Variants in AGBL4 observed in about 807,000 individuals in gnomAD.
AGBL4 encodes the protein AGBL carboxypeptidase 4, also known as cytosolic carboxypeptidase 6.
Under a neutral mutation model 66.4 loss-of-function variants are expected in AGBL4, and 58 were observed. The ratio of observed to expected loss-of-function variants is 0.87; its 90% CI spans 0.71 to 1.09. The LOEUF (loss-of-function observed/expected upper bound fraction) is 1.09. AGBL4 is among the 50% of genes least tolerant of loss of function. AGBL4 has a pLI of 0.00. For missense variants in AGBL4, 579 were observed against 631.0 expected (o/e 0.92, Z 0.88); for synonymous variants, 234 against 222.9 (o/e 1.05, Z -0.44).
the AGBL4 span, among the ~76,000 whole-genome samples, chr1:48,523,927 G>C: frequency 6.6e-6 from 1 of 152,070 alleles, no homozygotes; most frequent in Admixed American, 6.5e-5. Context: ...AATGCTGTAG[G>C]CAATTATAAC....
chr1:49,227,349 T>C (rs1649992288), intron 4 of AGBL4, among the ~76,000 whole-genome samples: 4 of 152,228 alleles, frequency 2.6e-5, no homozygotes. Flanking sequence ...TTCCTTGCTA[T>C]CCCTGGTGCC....
chr1:48,839,686 A>G (rs1287540416), intron 6 of AGBL4, among the ~76,000 whole-genome samples: 12 of 152,154 alleles, frequency 7.9e-5, no homozygotes, highest in Admixed American at 7.2e-4. Context: ...AACTTCTTCA[A>G]CTTTGCATAC....
At chr1:48,773,581 G>T (rs1330252148) in intron 6 of AGBL4, among the ~76,000 whole-genome samples, 3 of 152,150 alleles carry the variant, frequency 2.0e-5, no homozygotes, top group Non-Finnish European at 4.4e-5. Context: ...TTATACTCTG[G>T]CTTGAAAACT....
At chr1:49,594,291 C>T (rs1474485236) in intron 3 of AGBL4, among the ~76,000 whole-genome samples, 3 of 152,044 alleles carry the variant, frequency 2.0e-5, no homozygotes, top group Non-Finnish European at 4.4e-5. Context: ...AGGAAGCTTC[C>T]TTTTCCTCAT....
chr1:48,644,229 C>T (rs1235288129), intron 8 of AGBL4, among the ~76,000 whole-genome samples: 1 of 151,988 alleles, frequency 6.6e-6, no homozygotes, highest in Admixed American at 6.6e-5. Flanking sequence ...ATAATTATTC[C>T]TTTGGTTTGG....
At chr1:49,964,903 T>A (rs1170414635) in intron 1 of AGBL4, among the ~76,000 whole-genome samples, 2 of 152,104 alleles carry the variant, frequency 1.3e-5, no homozygotes. Context: ...TAATTTAAAG[T>A]GAAAAGCCTG....
chr1:49,343,369 T>C (rs1645578228), intron 3 of AGBL4, among the ~76,000 whole-genome samples: 3 of 152,192 alleles, frequency 2.0e-5, no homozygotes, highest in African/African-American at 7.2e-5. Context: ...GAAATTACTC[T>C]GCATTATGAG....
At chr1:48,718,967 T>A (rs866310238) in intron 6 of AGBL4, among the ~76,000 whole-genome samples, 1 of 152,150 alleles carries the variant, frequency 6.6e-6, no homozygotes, top group South Asian at 2.1e-4. Context: ...ATGTTGACAT[T>A]GTTATTCTTG....
intron 3 of AGBL4, among the ~76,000 whole-genome samples, chr1:49,587,790 A>T (rs1644679212): frequency 6.6e-6 from 1 of 152,132 alleles, no homozygotes; most frequent in Non-Finnish European, 1.5e-5. Flanking sequence ...CCTGTCAGAG[A>T]TTCCTTCTGC....
intron 3 of AGBL4, among the ~76,000 whole-genome samples, chr1:49,510,887 T>C (rs1440419179): frequency 2.7e-5 from 4 of 149,488 alleles, no homozygotes; most frequent in African/African-American, 7.4e-5. Context: ...AAAGATCAGA[T>C]AGTTGTAGAT....
chr1:49,562,794 T>A (rs1350399080), intron 3 of AGBL4, among the ~76,000 whole-genome samples: 3 of 152,190 alleles, frequency 2.0e-5, no homozygotes, highest in African/African-American at 7.2e-5. Flanking sequence ...CAATGTGGGC[T>A]CTTTGTTGAT....
At chr1:49,470,416 A>G (rs1646718358) in intron 3 of AGBL4, among the ~76,000 whole-genome samples, 1 of 152,000 alleles carries the variant, frequency 6.6e-6, no homozygotes. Context: ...GTTTCTCTAT[A>G]TCTTTGACCT....
At chr1:49,501,750 A>G (rs1445952229) in intron 3 of AGBL4, among the ~76,000 whole-genome samples, 1 of 151,916 alleles carries the variant, frequency 6.6e-6, no homozygotes, top group Non-Finnish European at 1.5e-5. Flanking sequence ...TTTTATTACT[A>G]TAAACTTCTC....
chr1:48,981,317 T>C (rs1659746774), intron 5 of AGBL4, among the ~76,000 whole-genome samples: 2 of 152,224 alleles, frequency 1.3e-5, no homozygotes, highest in African/African-American at 4.8e-5. Flanking sequence ...AAATGTATTC[T>C]ATATACTTTA....
intron 1 of AGBL4, among the ~76,000 whole-genome samples, chr1:50,017,986 C>T (rs547172387): frequency 1.3e-5 from 2 of 152,094 alleles, no homozygotes; most frequent in Non-Finnish European, 2.9e-5. Flanking sequence ...AGCCAAGACA[C>T]AGAGATTCAT....
At chr1:50,022,491 G>A (rs1252667950) in intron 1 of AGBL4, among the ~76,000 whole-genome samples, 1 of 152,100 alleles carries the variant, frequency 6.6e-6, no homozygotes, top group African/African-American at 2.4e-5. Context: ...CAATAAAACA[G>A]AGGTGCCATG....
chr1:49,851,671 C>T (rs972031159), intron 1 of AGBL4, 153 bp from the exon 2 acceptor site: 2 of 689,242 alleles, frequency 2.9e-6, no homozygotes, highest in East Asian at 6.1e-5. Flanking sequence ...AAAAAGGCTA[C>T]ATTTTGAAAC....
rs186569999 is a variant in AGBL4 at position 48,546,097 on chromosome 1, T to A, written c.1268-6359A>T. Among the ~76,000 whole-genome samples the A allele has an allele frequency of 1.2e-3, 177 of 151,912 alleles. 3 individuals are homozygous for A. Among genetic ancestry groups the A allele is most frequent in the African/African-American group, 4.0e-3 (167 of 41,302 alleles). On this transcript the variant is annotated intron_variant, in intron 11 of 13. Coordinates refer to ENST00000371839, the MANE Select transcript of AGBL4 (RefSeq NM_032785.4). Reference sequence around the variant, plus strand: ...GTCATCTTCACAAAAGCAGGAACTATTTTTTTTAGAGTTTACTCCGCAATG... The same window carrying A: ...GTCATCTTCACAAAAGCAGGAACTAATTTTTTTAGAGTTTACTCCGCAATG...
chr1:49,108,513 T>C (rs1645342325), intron 4 of AGBL4, among the ~76,000 whole-genome samples: 1 of 152,132 alleles, frequency 6.6e-6, no homozygotes, highest in Non-Finnish European at 1.5e-5. Context: ...AAACTGTATC[T>C]AGAGTCTCCA....
Sources: allele counts gnomAD v4.1 joint callset (sites outside exome capture counted in the v4.1 genomes callset), GRCh38; gene constraint gnomAD v4.1.1; transcripts MANE v1.5; gene names NCBI Gene and HGNC (gene_info 2026-07-23, HGNC 2026-07-21).